Variants in GRID2 observed in about 807,000 individuals in gnomAD.
GRID2 encodes glutamate ionotropic receptor delta type subunit 2.
GRID2 carries 33 observed loss-of-function variants against 114.8 expected under a neutral mutation model. That is an observed-to-expected ratio of 0.29 (90% CI 0.22 to 0.38). GRID2 has a LOEUF of 0.38. GRID2 is among the 10% of genes least tolerant of loss of function. The probability of loss-of-function intolerance (pLI) is 1.00; values close to 1 mark genes in which losing one functional copy is unlikely to be tolerated. For missense variants in GRID2, 1,184 were observed against 1,257.7 expected, an observed-to-expected ratio of 0.94 and a Z score of 0.89; for synonymous variants, 505 against 449.9, an observed-to-expected ratio of 1.12 and a Z score of -1.55.
chr4:93,511,651 A>C (rs1405303726), intron 12 of GRID2, among the ~76,000 whole-genome samples: 1 of 152,164 alleles, frequency 6.6e-6, no homozygotes, highest in Non-Finnish European at 1.5e-5. Flanking sequence ...CAGAGTGAGC[A>C]TTCACTGAGT....
chr4:93,316,044 G>A (rs1025711937), intron 8 of GRID2, among the ~76,000 whole-genome samples: 1 of 152,080 alleles, frequency 6.6e-6, no homozygotes, highest in African/African-American at 2.4e-5. Flanking sequence ...CTGCTGGAGT[G>A]TGGTGGAGGC....
chr4:92,598,228 C>G (rs1441341332), intron 2 of GRID2, among the ~76,000 whole-genome samples: 1 of 152,110 alleles, frequency 6.6e-6, no homozygotes, highest in East Asian at 1.9e-4. Context: ...AATGAATCCG[C>G]CAGTACCTTT....
chr4:92,701,844 TG>T, intron 2 of GRID2, among the ~76,000 whole-genome samples: 1 of 152,280 alleles, frequency 6.6e-6, no homozygotes, highest in South Asian at 2.1e-4. Context: ...TTAAAATTTT[TG>T]GTTAGGGCGA....
intron 3 of GRID2, among the ~76,000 whole-genome samples, chr4:93,093,157 C>G (rs904581783): frequency 2.0e-5 from 3 of 151,894 alleles, no homozygotes; most frequent in African/African-American, 4.8e-5. Flanking sequence ...GCTTGTTGGC[C>G]CCTGCACATA....
At chr4:93,032,492 T>A (rs889552060) in intron 2 of GRID2, among the ~76,000 whole-genome samples, 48 of 152,310 alleles carry the variant, frequency 3.2e-4, no homozygotes, top group Admixed American at 8.5e-4. Context: ...TACACATTTT[T>A]CTGAATTAAC....
intron 14 of GRID2, among the ~76,000 whole-genome samples, chr4:93,643,997 G>A (rs1721860182): frequency 1.0e-5 from 1 of 95,862 alleles, no homozygotes; most frequent in Non-Finnish European, 2.0e-5. Flanking sequence ...CGAGCCAGGT[G>A]TGGGATATAG....
chr4:93,679,650 A>C (rs1199224340), intron 14 of GRID2, among the ~76,000 whole-genome samples: 3 of 151,102 alleles, frequency 2.0e-5, no homozygotes, highest in Admixed American at 2.0e-4. Flanking sequence ...AACTACATGG[A>C]AACTGACAGC....
chr4:93,747,790 T>C (rs1490712441), intron 14 of GRID2, among the ~76,000 whole-genome samples: 2 of 152,082 alleles, frequency 1.3e-5, no homozygotes, highest in African/African-American at 4.8e-5. Context: ...GTTGATTTGT[T>C]TTCCCCCCCA....
At position 93,350,165 on chromosome 4, in the gene GRID2, G is replaced by T. The variant is rs1379126095; in HGVS notation, c.1246-45442G>T. On this transcript the variant is annotated intron_variant, in intron 8 of 15. Transcript: ENST00000282020. The stretch of plus-strand genomic sequence containing the variant: ...CAAAAATTTAAGGCTTCCAGGAAAA[G>T]TCTGTCATTTATCTGTAAAACACCC... Among the ~76,000 whole-genome samples, 3 of 152,184 alleles carry T rather than the reference G, an allele frequency of 2.0e-5. No homozygotes were observed. The East Asian group carries it at 5.8e-4, about 30-fold the overall frequency.
intron 1 of GRID2, among the ~76,000 whole-genome samples, chr4:92,567,305 G>A (rs976343760): frequency 6.6e-6 from 1 of 151,708 alleles, no homozygotes; most frequent in African/African-American, 2.4e-5. Context: ...AGAATATGTT[G>A]TTTTCTACTA....
In GRID2 at chr4:93,110,755, T is replaced by C. The variant is rs762583489; in HGVS notation, c.537T>C (p.Arg179=). ...IIFYDSEYDI[R]GIQEFLDKVS... ...GGCTTTTGATGTTTCCAGATATCCG[T>C]GGAATACAGGAGTTCTTGGACAAAG... is the stretch of plus-strand genomic sequence containing the variant. Residue 179 remains arginine (R), a synonymous_variant, in exon 4 of 16, where the codon CGT becomes CGC. Coordinates refer to ENST00000282020, the MANE Select transcript of GRID2 (RefSeq NM_001510.4). The C allele has an allele frequency of 7.5e-6, 12 of 1,606,316 alleles. No homozygotes were observed. The highest frequency in any genetic ancestry group is 6.8e-6 in the Non-Finnish European group (8 of 1,172,850).
At chr4:92,888,190 G>T (rs1746506219) in intron 2 of GRID2, among the ~76,000 whole-genome samples, 1 of 151,940 alleles carries the variant, frequency 6.6e-6, no homozygotes. Flanking sequence ...CGATTATATT[G>T]TATCTATTGT....
rs570768874 is a variant in GRID2 at position 92,861,418 on chromosome 4, T to C, written c.245-223577T>C. 7.2e-5 allele frequency among the ~76,000 whole-genome samples: 11 copies of C among 152,176 alleles called. No individual in the cohort carries two copies. In the South Asian group the frequency reaches 2.1e-3, roughly 29 times the overall value. ...CACGCACACTAGTGCGAAGGAAATC[T>C]TGGGGCTATCTGAGAATTCTATCTA... is the stretch of plus-strand genomic sequence containing the variant. On this transcript the variant is annotated intron_variant, in intron 2 of 15. Transcript: ENST00000282020.
chr4:93,388,950 A>T (rs867281058), intron 8 of GRID2, among the ~76,000 whole-genome samples: 11 of 152,210 alleles, frequency 7.2e-5, no homozygotes, highest in Admixed American at 2.6e-4. Flanking sequence ...GAGGTATCTA[A>T]GCAGAGACAG....
At chr4:92,713,476 C>CATATATATATATATATATATATAT (rs10593127) in intron 2 of GRID2, among the ~76,000 whole-genome samples, 4 of 54,036 alleles carry the variant, frequency 7.4e-5, no homozygotes, top group Admixed American at 2.4e-4. Context: ...TATACATATA[C>CATATATATATATATATATATATAT]ATATATATAT....
intron 4 of GRID2, among the ~76,000 whole-genome samples, chr4:93,169,227 T>C (rs1264492982): frequency 6.6e-6 from 1 of 151,898 alleles, no homozygotes; most frequent in Non-Finnish European, 1.5e-5. Flanking sequence ...AAAATATTTA[T>C]TGCCTATTTT....
At chr4:93,670,795 A>G (rs1245709726) in intron 14 of GRID2, among the ~76,000 whole-genome samples, 1 of 152,206 alleles carries the variant, frequency 6.6e-6, no homozygotes, top group Admixed American at 6.5e-5. Flanking sequence ...AGAACCCACT[A>G]CTAATCTCAT....
intron 2 of GRID2, among the ~76,000 whole-genome samples, chr4:92,782,689 C>T (rs1338983834): frequency 6.6e-6 from 1 of 152,038 alleles, no homozygotes. Context: ...GATGAAAAGA[C>T]ATGATTGCAA....
chr4:93,373,430 G>T (rs1763106305), intron 8 of GRID2, among the ~76,000 whole-genome samples: 2 of 151,904 alleles, frequency 1.3e-5, no homozygotes, highest in African/African-American at 4.8e-5. Flanking sequence ...TTATATCAGT[G>T]TATAGTACAA....
Sources: gnomAD v4.1 joint callset for allele counts (sites outside exome capture counted in the v4.1 genomes callset) on GRCh38, gnomAD v4.1.1 for gene constraint, MANE v1.5 for transcripts, NCBI Gene and HGNC (gene_info 2026-07-23, HGNC 2026-07-21) for gene names.